GABBR2: variants seen among roughly 807,000 people sequenced by gnomAD.
The protein encoded by GABBR2 is G-protein coupled receptor 51.
GABBR2 carries 23 observed loss-of-function variants against 105.6 expected under a neutral mutation model. That is an observed-to-expected ratio of 0.22 (90% CI 0.16 to 0.31). GABBR2 has a LOEUF of 0.31. Among genes scored for constraint, GABBR2 ranks in the 10% least tolerant of loss-of-function variants. GABBR2 has a pLI of 1.00. For synonymous variants in GABBR2, 478 were observed against 499.7 expected (o/e 0.96, Z 0.58); for missense variants, 734 against 1,245.5 (o/e 0.59, Z 6.18).
intron 1 of GABBR2, among the ~76,000 whole-genome samples, chr9:98,639,465 C>T (rs2131835013): frequency 6.6e-6 from 1 of 152,226 alleles, no homozygotes; most frequent in Middle Eastern, 3.4e-3. Flanking sequence ...CAGGGCCTCC[C>T]CCACCACCCC....
At chr9:98,613,626 T>C (rs1158441550) in intron 1 of GABBR2, among the ~76,000 whole-genome samples, 1 of 152,182 alleles carries the variant, frequency 6.6e-6, no homozygotes, top group Non-Finnish European at 1.5e-5. Flanking sequence ...ACAGCAGACA[T>C]CTCTTCAGTA....
At chr9:98,298,349 G>A (rs989950664) in intron 17 of GABBR2, among the ~76,000 whole-genome samples, 1 of 152,084 alleles carries the variant, frequency 6.6e-6, no homozygotes, top group African/African-American at 2.4e-5. Context: ...CCCAAATAAT[G>A]AACATTTAAG....
chr9:98,405,752 T>G (rs528604480), intron 8 of GABBR2, among the ~76,000 whole-genome samples: 1 of 152,348 alleles, frequency 6.6e-6, no homozygotes, highest in South Asian at 2.1e-4. Flanking sequence ...TACTCTATTG[T>G]TTAGGGAATA....
intron 1 of GABBR2, among the ~76,000 whole-genome samples, chr9:98,615,738 T>C (rs1017595211): frequency 3.9e-5 from 6 of 152,334 alleles, no homozygotes; most frequent in Middle Eastern, 3.4e-3. Context: ...CCACTCAGTG[T>C]GTGCCCAGAA....
chr9:98,429,182 C>G (rs1825755887), intron 7 of GABBR2, among the ~76,000 whole-genome samples: 1 of 149,678 alleles, frequency 6.7e-6, no homozygotes, highest in Non-Finnish European at 1.5e-5. Flanking sequence ...CTCCGCTGCC[C>G]AGGCTGGAGT....
intron 6 of GABBR2, among the ~76,000 whole-genome samples, chr9:98,461,749 G>A (rs1292752627): frequency 2.0e-5 from 3 of 152,218 alleles, no homozygotes; most frequent in Non-Finnish European, 4.4e-5. Context: ...TTCTCCAGGT[G>A]CAGAATCAAG....
At chr9:98,665,132 G>A (rs1830316703) in intron 1 of GABBR2, among the ~76,000 whole-genome samples, 1 of 151,756 alleles carries the variant, frequency 6.6e-6, no homozygotes, top group Non-Finnish European at 1.5e-5. Flanking sequence ...AGCCCAGTGT[G>A]GTGGCATGCA....
intron 1 of GABBR2, among the ~76,000 whole-genome samples, chr9:98,696,017 A>G (rs929557434): frequency 5.3e-5 from 8 of 152,234 alleles, no homozygotes; most frequent in African/African-American, 1.9e-4. Flanking sequence ...TCTTGCACTC[A>G]TGGAGTTCAC....
chr9:98,394,593 A>G (rs549987728), intron 8 of GABBR2, among the ~76,000 whole-genome samples: 30 of 152,332 alleles, frequency 2.0e-4, no homozygotes, highest in African/African-American at 6.7e-4. Context: ...CCCCTGCTCA[A>G]CTGGCTCTGC....
At chr9:98,560,404 C>T (rs955058707) in intron 2 of GABBR2, among the ~76,000 whole-genome samples, 1 of 107,064 alleles carries the variant, frequency 9.3e-6, no homozygotes, top group Non-Finnish European at 2.3e-5. Context: ...TACACACATA[C>T]ACACACACAC....
At chr9:98,560,822 G>GCACA (rs1828664791) in intron 2 of GABBR2, among the ~76,000 whole-genome samples, 2 of 147,428 alleles carry the variant, frequency 1.4e-5, no homozygotes, top group Admixed American at 6.8e-5. Context: ...ATACATATAT[G>GCACA]CACACACATA....
In GABBR2 at chr9:98,391,511, G is replaced by A. The variant is rs143476717; in HGVS notation, c.1379-2507C>T. Among the ~76,000 whole-genome samples the A allele has an allele frequency of 2.1e-3, 326 of 152,310 alleles. 1 individual carries two copies. The highest frequency in any genetic ancestry group is 7.1e-3 in the African/African-American group (295 of 41,574). ...AACATCAGACAGGAGGCCTGAGAGC[G>A]AGCAGGGAGCAGAGTGCAGTCCTGC... On this transcript the variant is annotated intron_variant, in intron 9 of 18. Coordinates refer to ENST00000259455, the MANE Select transcript of GABBR2 (RefSeq NM_005458.8).
At chr9:98,459,807 C>A (rs750094093) in intron 6 of GABBR2, among the ~76,000 whole-genome samples, 8 of 152,180 alleles carry the variant, frequency 5.3e-5, no homozygotes, top group African/African-American at 1.9e-4. Flanking sequence ...TAGATTGGGC[C>A]TTACAAAAAC....
intron 13 of GABBR2, among the ~76,000 whole-genome samples, chr9:98,316,045 G>T (rs1054520381): frequency 2.6e-5 from 4 of 152,276 alleles, no homozygotes; most frequent in Non-Finnish European, 4.4e-5. Flanking sequence ...ATCAGGGTCA[G>T]GGCCTAAGCC....
At chr9:98,640,597 G>C (rs559876756) in intron 1 of GABBR2, among the ~76,000 whole-genome samples, 4 of 152,148 alleles carry the variant, frequency 2.6e-5, no homozygotes, top group Non-Finnish European at 5.9e-5. Context: ...ATGCCCTCTG[G>C]GGGAAAAGAG....
At chr9:98,490,816 G>A (rs868253524) in intron 4 of GABBR2, among the ~76,000 whole-genome samples, 4 of 152,140 alleles carry the variant, frequency 2.6e-5, no homozygotes, top group Non-Finnish European at 5.9e-5. Flanking sequence ...TCCCAGCCCC[G>A]CCTGGAAACA....
chr9:98,489,131 T>C (rs942644842), intron 4 of GABBR2, among the ~76,000 whole-genome samples: 1 of 152,204 alleles, frequency 6.6e-6, no homozygotes, highest in Non-Finnish European at 1.5e-5. Context: ...TATAAAACTT[T>C]ATTTACAAAC....
At chr9:98,395,945 A>C (rs1220182903) in intron 8 of GABBR2, among the ~76,000 whole-genome samples, 1 of 152,092 alleles carries the variant, frequency 6.6e-6, no homozygotes, top group Non-Finnish European at 1.5e-5. Flanking sequence ...TTTCTTGCCT[A>C]GCTAAAACAG....
chr9:98,661,096 A>G lies in GABBR2; in HGVS notation c.321+47321T>C, dbSNP rs551647535. On this transcript the variant is annotated intron_variant, in intron 1 of 18. Transcript: ENST00000259455. ...AATTCTTTTTGTGTTTTTAGTAGAG[A>G]TGGGGTTTCGCCATTTGGCCAGGCT... 2.2e-4 allele frequency among the ~76,000 whole-genome samples: 34 copies of G among 152,252 alleles called. 1 individual carries two copies. The highest frequency in any genetic ancestry group is 7.9e-4 in the African/African-American group (33 of 41,548).
Sources: gnomAD v4.1 joint callset for allele counts (sites outside exome capture counted in the v4.1 genomes callset) on GRCh38, gnomAD v4.1.1 for gene constraint, MANE v1.5 for transcripts, NCBI Gene and HGNC (gene_info 2026-07-23, HGNC 2026-07-21) for gene names.